Variants in TYK2 observed in about 807,000 individuals in gnomAD.
TYK2 encodes tyrosine kinase 2, also known as non-receptor tyrosine-protein kinase TYK2.
Under a neutral mutation model 130.9 loss-of-function variants are expected in TYK2, and 65 were observed. The ratio of observed to expected loss-of-function variants is 0.50; its 90% CI spans 0.41 to 0.61. TYK2 has a LOEUF of 0.61. Among genes scored for constraint, TYK2 ranks in the 20% least tolerant of loss-of-function variants. The pLI is 0.00. For missense variants in TYK2, 1,378 were observed against 1,610.7 expected, an observed-to-expected ratio of 0.86 and a Z score of 2.47; for synonymous variants, 647 against 658.9, an observed-to-expected ratio of 0.98 and a Z score of 0.28.
chr19:10,366,061 G>A (rs1244040050), intron 6 of TYK2, among the ~76,000 whole-genome samples, 163 bp from the exon 7 acceptor site: 2 of 152,296 alleles, frequency 1.3e-5, no homozygotes, highest in East Asian at 3.9e-4. Flanking sequence ...TCAGCTACTT[G>A]GGAAGCCAAG....
At chr19:10,354,277 C>T in intron 19 of TYK2, 43 bp from the exon 20 acceptor site, 1 of 1,601,196 alleles carries the variant, frequency 6.2e-7, no homozygotes, top group Non-Finnish European at 8.5e-7. Context: ...TCCCCAATCC[C>T]TGCACCACTC....
At chr19:10,362,218 G>A (rs776101784) in intron 11 of TYK2, 37 bp from the exon 12 acceptor site, 3 of 1,613,830 alleles carry the variant, frequency 1.9e-6, no homozygotes. Flanking sequence ...GGCGGGCCTG[G>A]GGGAGAGATG....
intron 3 of TYK2, among the ~76,000 whole-genome samples, chr19:10,373,433 G>T (rs12720232): frequency 1.7e-4 from 26 of 152,080 alleles, no homozygotes; most frequent in Admixed American, 5.9e-4. Context: ...CGCCTCCCAG[G>T]TTTAAGTGAT....
intron 3 of TYK2, among the ~76,000 whole-genome samples, chr19:10,371,832 T>C (rs911659279): frequency 6.6e-6 from 1 of 152,134 alleles, no homozygotes; most frequent in Non-Finnish European, 1.5e-5. Flanking sequence ...CAGTCTCTTA[T>C]TGAGGGACTT....
At position 10,357,923 on chromosome 19, in the gene TYK2, G is replaced by A; in HGVS notation, c.2312-5C>T. 1 of 1,613,538 alleles carries A rather than the reference G, an allele frequency of 6.2e-7. No homozygotes were observed. The highest frequency in any genetic ancestry group is 8.5e-7 in the Non-Finnish European group (1 of 1,180,036). On this transcript the variant is annotated splice_region_variant and splice_polypyrimidine_tract_variant and intron_variant, in intron 16 of 24. Coordinates refer to ENST00000525621, the MANE Select transcript of TYK2 (RefSeq NM_003331.5). The stretch of plus-strand genomic sequence containing the variant: ...AGGGGATCCTCTCCACCCGCTCTGG[G>A]AGGCCAAGGTCAGAGGTCACCAAGG...
Position 10,364,537 on chromosome 19 carries a change from C to T in TYK2, c.1367+77G>A, listed in dbSNP as rs1453304815. The T allele has an allele frequency of 1.3e-6, 2 of 1,539,900 alleles. No individual in the cohort carries two copies. The highest frequency in any genetic ancestry group is 1.8e-6 in the Non-Finnish European group (2 of 1,116,514). ...ATAAGACGTGCACCTACACACACAC[C>T]CTGCACAGCCCCTAGGGCTCACAGT... On this transcript the variant is annotated intron_variant, in intron 9 of 24. Coordinates refer to ENST00000525621, the MANE Select transcript of TYK2 (RefSeq NM_003331.5). This position sits in a 1 kb window ranked among gnomAD's most constrained non-coding sequence, Gnocchi z 4.9.
At chr19:10,369,649 C>A in intron 3 of TYK2, 1 of 436,724 alleles carries the variant, frequency 2.3e-6, no homozygotes, top group Non-Finnish European at 4.6e-6. Flanking sequence ...CCATCCACCA[C>A]CTTCAAATGC....
At chr19:10,362,785 C>T in intron 9 of TYK2, 128 bp from the exon 10 acceptor site, 1 of 790,000 alleles carries the variant, frequency 1.3e-6, no homozygotes, top group Non-Finnish European at 2.1e-6. Context: ...GACACAGCCA[C>T]TCTTGTGGGG....
chr19:10,371,247 A>AG lies in TYK2; in HGVS notation c.194-2830_194-2829insC, dbSNP rs1568342307. On this transcript the variant is annotated intron_variant, in intron 3 of 24. Transcript: ENST00000525621. ...TCCTGAGTAGCTGGGAGGCTGAGCT[A>AG]CTCAGCCTCCAAAGTGCTGGGATTA... Among the ~76,000 whole-genome samples the AG allele has an allele frequency of 7.8e-3, 1,176 of 151,642 alleles. 13 individuals carry two copies. Among genetic ancestry groups the AG allele is most frequent in the African/African-American group, 0.026 (1,098 of 41,454 alleles).
chr19:10,377,705 A>G (rs529109256), intron 3 of TYK2, among the ~76,000 whole-genome samples: 2 of 17,552 alleles, frequency 1.1e-4, no homozygotes, highest in African/African-American at 2.6e-4. Flanking sequence ...TAGATGGATG[A>G]ATGGGTGGGT....
At position 10,354,573 on chromosome 19, in the gene TYK2, G is replaced by T. The variant is rs372612272; in HGVS notation, c.2654C>A (p.Pro885Gln). 8 of 1,613,910 alleles carry T rather than the reference G, an allele frequency of 5.0e-6. No homozygotes were observed. In the Admixed American group the frequency reaches 1.2e-4, roughly 24 times the overall value. Residue 885 changes from proline to glutamine, a missense_variant, in exon 19 of 25, where the codon CCG becomes CAG. Physicochemically the swap from Pro to Gln is moderately conservative, Grantham distance 76 (BLOSUM62 -1). Coordinates refer to ENST00000525621, the MANE Select transcript of TYK2 (RefSeq NM_003331.5). ...GTGGAAAACCGTAGGGTCCGACGCC[G>T]GTGAGTCCGGGTTCACAGTCAAGAC... ...ADVLTVNPDS[P>Q]ASDPTVFHKR...
chr19:10,354,048 C>A lies in TYK2; in HGVS notation c.2902G>T (p.Asp968Tyr), dbSNP rs1438500444. Reference sequence around the variant, plus strand: ...CTCGCCGGGTCCCGCCCACCTTGGTCCTCGCAGCAGCCCTTGTACTTGATG... The same window carrying A: ...CTCGCCGGGTCCCGCCCACCTTGGTACTCGCAGCAGCCCTTGTACTTGATG... ...HIIKYKGCCEDQGEKSLQLVM... is the reference protein window; with the variant it reads ...HIIKYKGCCEYQGEKSLQLVM... The change falls in exon 20 of 25, where the codon GAC (aspartate) becomes TAC (tyrosine). Residue 968 changes from aspartate to tyrosine, a missense_variant. Asp to Tyr is a radical substitution (Grantham distance 160). Transcript: ENST00000525621. The A allele has an allele frequency of 6.2e-7, 1 of 1,613,986 alleles. No homozygotes were observed. The highest frequency in any genetic ancestry group is 8.5e-7 in the Non-Finnish European group (1 of 1,180,038).
At chr19:10,355,368 G>C (rs1422321389) in intron 18 of TYK2, among the ~76,000 whole-genome samples, 1 of 152,292 alleles carries the variant, frequency 6.6e-6, no homozygotes, top group East Asian at 1.9e-4. Context: ...GGCCGGGCGT[G>C]GTGGCTCACG....
intron 22 of TYK2, 40 bp downstream of exon 22, chr19:10,352,886 T>C (rs771851370): frequency 6.5e-7 from 1 of 1,546,504 alleles, no homozygotes; most frequent in Non-Finnish European, 8.7e-7. Context: ...CTGTTCCAAG[T>C]GACCCCAGCA....
chr19:10,351,075 G>T lies in TYK2; in HGVS notation c.3406C>A (p.Arg1136=). The T allele has an allele frequency of 6.2e-7, 1 of 1,614,132 alleles. No individual in the cohort carries two copies. The highest frequency in any genetic ancestry group is 2.2e-5 in the East Asian group (1 of 44,882). Reference sequence around the variant, plus strand: ...ACCTCACAGGGACATTTGTCGGGCCGTGGCAGCCTCTCCCCTCGTTCCAGC... The same window carrying T: ...ACCTCACAGGGACATTTGTCGGGCCTTGGCAGCCTCTCCCCTCGTTCCAGC... ...ELLERGERLP[R]PDKCPCEVYH... The change falls in exon 24 of 25, where the codon CGG becomes AGG. Residue 1136 remains arginine (R), a synonymous_variant. Transcript: ENST00000525621.
intron 3 of TYK2, chr19:10,368,763 G>T: frequency 2.9e-6 from 1 of 346,844 alleles, no homozygotes; most frequent in Non-Finnish European, 5.6e-6. Context: ...AGATGGTGAA[G>T]CTGTAAGACA....
chr19:10,359,748 G>A (rs1356486954), intron 14 of TYK2, among the ~76,000 whole-genome samples: 1 of 152,154 alleles, frequency 6.6e-6, no homozygotes, highest in African/African-American at 2.4e-5. Flanking sequence ...GGGAGGCTGA[G>A]GCGGGCGGAT....
At position 10,361,249 on chromosome 19, in the gene TYK2, T is replaced by G; in HGVS notation, c.2047+262A>C. The G allele has an allele frequency of 1.7e-6, 1 of 596,974 alleles. No homozygotes were observed. 37.0% of individuals were successfully genotyped at this position (596,974 alleles called of 1,614,324 possible). Reference sequence around the variant, plus strand: ...TTTGGGAGGTTGATGGAAGTGGGGATGTAGTTGGGAATCAGGGTGGGGGTT... The same window carrying G: ...TTTGGGAGGTTGATGGAAGTGGGGAGGTAGTTGGGAATCAGGGTGGGGGTT... On this transcript the variant is annotated intron_variant, in intron 14 of 24. Coordinates refer to ENST00000525621, the MANE Select transcript of TYK2 (RefSeq NM_003331.5). This position sits in a 1 kb window ranked among gnomAD's most constrained non-coding sequence, Gnocchi z 4.0.
At chr19:10,357,954 A>C in intron 16 of TYK2, 36 bp from the exon 17 acceptor site, 2 of 1,613,450 alleles carry the variant, frequency 1.2e-6, no homozygotes, top group Non-Finnish European at 1.7e-6. Flanking sequence ...CAAGGGTGAA[A>C]GGAGCAGGGG....
Sources: allele counts gnomAD v4.1 joint callset (sites outside exome capture counted in the v4.1 genomes callset), GRCh38; gene constraint gnomAD v4.1.1; non-coding constraint Gnocchi (gnomAD v3.1); transcripts MANE v1.5; gene names NCBI Gene and HGNC (gene_info 2026-07-23, HGNC 2026-07-21).